Variants in CTNND2 observed in about 807,000 individuals in gnomAD.
CTNND2 encodes catenin delta 2, also known as catenin delta-2.
In CTNND2, 22 loss-of-function variants were observed where a neutral mutation model predicts 144.4. The ratio of observed to expected loss-of-function variants is 0.15; its 90% CI spans 0.11 to 0.22. CTNND2 has a LOEUF of 0.22. CTNND2 is among the 10% of genes least tolerant of loss of function. The pLI is 1.00. For missense variants in CTNND2, 1,353 were observed against 1,618.8 expected (o/e 0.84, Z 2.82); for synonymous variants, 751 against 695.6 (o/e 1.08, Z -1.25).
At chr5:11,369,920 G>A (rs1757313323) in intron 7 of CTNND2, among the ~76,000 whole-genome samples, 2 of 152,242 alleles carry the variant, frequency 1.3e-5, no homozygotes, top group East Asian at 1.9e-4. Context: ...GGGTCCCTCC[G>A]GGATTTCAGA....
intron 6 of CTNND2, among the ~76,000 whole-genome samples, chr5:11,389,952 CTT>C: frequency 6.6e-6 from 1 of 152,258 alleles, no homozygotes; most frequent in South Asian, 2.1e-4. Flanking sequence ...TGAATTTTGT[CTT>C]TAGACTGGGG....
chr5:11,810,445 A>C (rs1056501511), intron 1 of CTNND2, among the ~76,000 whole-genome samples: 1 of 149,490 alleles, frequency 6.7e-6, no homozygotes, highest in African/African-American at 2.4e-5. Context: ...TTATAAGAAA[A>C]CATTGAACCA....
intron 2 of CTNND2, among the ~76,000 whole-genome samples, chr5:11,593,316 T>C (rs1779349943): frequency 6.6e-6 from 1 of 152,226 alleles, no homozygotes; most frequent in Non-Finnish European, 1.5e-5. Context: ...TGTCTTTCTC[T>C]GTATATGTGT....
At chr5:11,132,451 A>G (rs991311068) in intron 12 of CTNND2, among the ~76,000 whole-genome samples, 2 of 152,184 alleles carry the variant, frequency 1.3e-5, no homozygotes, top group African/African-American at 2.4e-5. Context: ...AATGAAATCA[A>G]TGCCCTTATA....
At chr5:11,878,355 G>A (rs1735713696) in intron 1 of CTNND2, among the ~76,000 whole-genome samples, 2 of 152,034 alleles carry the variant, frequency 1.3e-5, no homozygotes, top group Admixed American at 1.3e-4. Flanking sequence ...ACAAAAGTTT[G>A]CTGGCTTGTC....
chr5:11,215,752 A>T (rs1427966433), intron 10 of CTNND2, among the ~76,000 whole-genome samples: 1 of 152,240 alleles, frequency 6.6e-6, no homozygotes, highest in Admixed American at 6.5e-5. Flanking sequence ...GAGAAATTAA[A>T]CACACAGCCT....
At chr5:11,436,190 T>C (rs1286453977) in intron 3 of CTNND2, among the ~76,000 whole-genome samples, 1 of 151,950 alleles carries the variant, frequency 6.6e-6, no homozygotes, top group Non-Finnish European at 1.5e-5. Flanking sequence ...AGAACACCAG[T>C]GGGCAACAGA....
intron 9 of CTNND2, among the ~76,000 whole-genome samples, chr5:11,256,169 C>T (rs771428310): frequency 1.2e-4 from 19 of 152,306 alleles, no homozygotes; most frequent in Non-Finnish European, 2.6e-4. Context: ...CATCTCCTAC[C>T]TGGCAATGCT....
At chr5:11,871,223 G>A (rs1016054881) in intron 1 of CTNND2, among the ~76,000 whole-genome samples, 5 of 152,258 alleles carry the variant, frequency 3.3e-5, no homozygotes, top group African/African-American at 1.2e-4. Flanking sequence ...CCAAGTCTAT[G>A]GTAACTTGTT....
chr5:11,589,327 C>CA (rs1161184464), intron 2 of CTNND2, among the ~76,000 whole-genome samples: 10 of 140,648 alleles, frequency 7.1e-5, no homozygotes, highest in Admixed American at 3.6e-4. Flanking sequence ...ACAACAACAA[C>CA]AAAAAAACAC....
Position 11,721,384 on chromosome 5 carries a change from A to T in CTNND2, c.174+10752T>A, listed in dbSNP as rs79157215. ...AAATCTCAATAAGCTGTTTTTTTTT[A>T]AATTCACCCCAGGCTACATAGAATC... On this transcript the variant is annotated intron_variant, in intron 2 of 21. Transcript: ENST00000304623. Among the ~76,000 whole-genome samples, 79 of 148,812 alleles carry T rather than the reference A, an allele frequency of 5.3e-4. 1 individual carries two copies. The highest frequency in any genetic ancestry group is 1.8e-3 in the African/African-American group (71 of 39,756).
chr5:11,384,882 G>T lies in CTNND2; in HGVS notation c.960C>A (p.Val320=), dbSNP rs765750238. Residue 320 remains valine, a synonymous_variant, in exon 7 of 22, where the codon GTC becomes GTA. Coordinates refer to ENST00000304623, the MANE Select transcript of CTNND2 (RefSeq NM_001332.4). This position sits in a 1 kb window ranked among gnomAD's most constrained non-coding sequence, Gnocchi z 5.2. The stretch of plus-strand genomic sequence containing the variant: ...TCGGGGACAGGCCGGCCGAGGACAC[G>T]ACGATGTTGATGGGCGAGCTGGTGC... ...SYSTSSPINI[V]VSSAGLSPIR... 1 of 1,611,668 alleles carries T rather than the reference G, an allele frequency of 6.2e-7. No homozygotes were observed. The highest frequency in any genetic ancestry group is 8.5e-7 in the Non-Finnish European group (1 of 1,179,320).
In CTNND2 at chr5:11,580,318, T is replaced by A. The variant is rs559913053; in HGVS notation, c.175-15262A>T. ...CAGATATTCAGTATATAATTTAAGG[T>A]ATTTTCCATGGAGTTTTATGTAAAG... On this transcript the variant is annotated intron_variant, in intron 2 of 21. Coordinates refer to ENST00000304623, the MANE Select transcript of CTNND2 (RefSeq NM_001332.4). 9.2e-5 allele frequency among the ~76,000 whole-genome samples: 14 copies of A among 152,310 alleles called. No individual in the cohort carries two copies. The Middle Eastern group carries it at 0.01, about 111-fold the overall frequency.
intron 2 of CTNND2, among the ~76,000 whole-genome samples, chr5:11,715,865 T>C (rs939072830): frequency 1.7e-4 from 26 of 152,230 alleles, no homozygotes; most frequent in Non-Finnish European, 2.4e-4. Flanking sequence ...AATAATTTAT[T>C]GGAAGAATAC....
At chr5:11,743,336 T>C (rs554973078) in intron 1 of CTNND2, among the ~76,000 whole-genome samples, 2 of 152,300 alleles carry the variant, frequency 1.3e-5, no homozygotes, top group East Asian at 1.9e-4. Flanking sequence ...TTATTTCAAC[T>C]CAAGATAGCT....
intron 2 of CTNND2, among the ~76,000 whole-genome samples, chr5:11,679,895 AG>A (rs1430511131): frequency 6.6e-6 from 1 of 152,248 alleles, no homozygotes; most frequent in East Asian, 1.9e-4. Flanking sequence ...CCAAACAGCT[AG>A]TAACACATTC....
chr5:11,040,918 T>C (rs947573075), intron 16 of CTNND2, among the ~76,000 whole-genome samples: 2 of 152,194 alleles, frequency 1.3e-5, no homozygotes, highest in Admixed American at 6.5e-5. Flanking sequence ...GGGTGTTTTA[T>C]TTTTAGGTCA....
At chr5:11,881,916 T>C (rs1736146781) in intron 1 of CTNND2, among the ~76,000 whole-genome samples, 1 of 152,066 alleles carries the variant, frequency 6.6e-6, no homozygotes, top group Non-Finnish European at 1.5e-5. Flanking sequence ...TTCTTTTTGA[T>C]TATATCCATT....
chr5:10,973,254 T>G lies in CTNND2; in HGVS notation c.*199A>C. ...TGTCATATTTAGGATCACTTTAGCT[T>G]TCTACTGATTTCCAAGTTAACTTGC... On this transcript the variant is annotated 3_prime_UTR_variant, in exon 22 of 22. Transcript: ENST00000304623. The surrounding 1 kb of genome is among the most constrained non-coding windows in gnomAD (Gnocchi z 5.6). The G allele has an allele frequency of 1.8e-6, 1 of 566,342 alleles. No homozygotes were observed. Among genetic ancestry groups the G allele is most frequent in the East Asian group, 3.1e-5 (1 of 32,082 alleles). 35.1% of individuals were successfully genotyped at this position (566,342 alleles called of 1,614,324 possible).
Sources: gnomAD v4.1 joint callset for allele counts (sites outside exome capture counted in the v4.1 genomes callset) on GRCh38, gnomAD v4.1.1 for gene constraint, Gnocchi (gnomAD v3.1) non-coding constraint, MANE v1.5 for transcripts, NCBI Gene and HGNC (gene_info 2026-07-23, HGNC 2026-07-21) for gene names.